Variants in SETD7 observed in about 807,000 individuals in gnomAD.
SETD7 encodes the protein SET domain containing 7, histone lysine methyltransferase.
Under a neutral mutation model 41.8 loss-of-function variants are expected in SETD7, and 16 were observed. That is an observed-to-expected ratio of 0.38 (90% CI 0.26 to 0.58). The LOEUF (loss-of-function observed/expected upper bound fraction) is 0.58. Among genes scored for constraint, SETD7 ranks in the 20% least tolerant of loss-of-function variants. The pLI is 0.64. For synonymous variants in SETD7, 163 were observed against 169.7 expected (o/e 0.96, Z 0.31); for missense variants, 346 against 459.7 (o/e 0.75, Z 2.26).
Position 139,511,545 on chromosome 4 carries a change from A to G in SETD7, c.*118T>C, listed in dbSNP as rs557995284. Reference sequence around the variant, plus strand: ...TATGCGAGAAAGTCGTTGCTAACGCATGGTGAGAGGATGTGACGTCACAGC... The same window carrying G: ...TATGCGAGAAAGTCGTTGCTAACGCGTGGTGAGAGGATGTGACGTCACAGC... On this transcript the variant is annotated 3_prime_UTR_variant, in exon 8 of 8. Coordinates refer to ENST00000274031, the MANE Select transcript of SETD7 (RefSeq NM_030648.4). The G allele has an allele frequency of 4.5e-6, 7 of 1,563,754 alleles. No individual in the cohort carries two copies. Among genetic ancestry groups the G allele is most frequent in the African/African-American group, 1.4e-5 (1 of 72,408 alleles).
downstream of SETD7, among the ~76,000 whole-genome samples, chr4:139,495,523 A>G (rs555085117): frequency 6.6e-6 from 1 of 152,312 alleles, no homozygotes; most frequent in Non-Finnish European, 1.5e-5. Flanking sequence ...AATCACGGCA[A>G]AAGGCAAAGA....
chr4:139,524,821 A>G (rs1237552832), intron 4 of SETD7, among the ~76,000 whole-genome samples: 1 of 151,790 alleles, frequency 6.6e-6, no homozygotes, highest in East Asian at 1.9e-4. Context: ...ACCCTCCCCC[A>G]CTTTTTTTTT....
chr4:139,513,431 A>G (rs1218193734), intron 7 of SETD7, among the ~76,000 whole-genome samples: 1 of 151,954 alleles, frequency 6.6e-6, no homozygotes, highest in East Asian at 1.9e-4. Context: ...AAAAAAAAAA[A>G]AAAGAAAAAA....
intron 1 of SETD7, 43 bp from the exon 2 acceptor site, chr4:139,547,092 G>A (rs745547543): frequency 1.2e-6 from 2 of 1,608,094 alleles, no homozygotes; most frequent in East Asian, 4.5e-5. Flanking sequence ...CATCTTCAGT[G>A]CTCCTCCCAT....
intron 7 of SETD7, among the ~76,000 whole-genome samples, chr4:139,516,854 C>CA: frequency 6.6e-6 from 1 of 152,262 alleles, no homozygotes; most frequent in Middle Eastern, 3.4e-3. Flanking sequence ...CGCCTTAGAA[C>CA]ATTTTAATCA....
At chr4:139,528,316 C>T (rs554942460) in intron 4 of SETD7, among the ~76,000 whole-genome samples, 1 of 152,296 alleles carries the variant, frequency 6.6e-6, no homozygotes, top group Admixed American at 6.5e-5. Context: ...GCTCGAGATG[C>T]CAATATGCAT....
rs1240479990 is a variant in SETD7, at chr4:139,510,991, A to G, written c.*672T>C. 6.5e-6 allele frequency: 1 copy of G among 152,676 alleles called. No individual in the cohort carries two copies. Among genetic ancestry groups the G allele is most frequent in the Non-Finnish European group, 1.5e-5 (1 of 68,060 alleles). The allele number at this position is 152,676 out of a possible 1,614,324, so 9.5% of individuals were successfully genotyped here. A position where few individuals can be genotyped will look rare whatever the true frequency, so the allele number is the denominator to read the frequency against. Reference sequence around the variant, plus strand: ...CAGTACTTTATATTAGGACATAATAATAAAATGATGATATAGAAAGAACCA... The same window carrying G: ...CAGTACTTTATATTAGGACATAATAGTAAAATGATGATATAGAAAGAACCA... On this transcript the variant is annotated 3_prime_UTR_variant, in exon 8 of 8. Transcript: ENST00000274031.
intron 2 of SETD7, among the ~76,000 whole-genome samples, chr4:139,542,027 T>A (rs533047132): frequency 3.9e-5 from 6 of 152,336 alleles, no homozygotes; most frequent in South Asian, 4.1e-4. Flanking sequence ...AAATGTGGTA[T>A]ATACGTACAC....
intron 6 of SETD7, among the ~76,000 whole-genome samples, 177 bp downstream of exon 6, chr4:139,520,100 C>A (rs1254575726): frequency 6.6e-6 from 1 of 151,890 alleles, no homozygotes; most frequent in African/African-American, 2.4e-5. Flanking sequence ...AGCTCTGGAA[C>A]TTTTAAAAAA....
rs114125334 is a variant in SETD7, at chr4:139,547,554, A to T, written c.41-505T>A. Among the ~76,000 whole-genome samples, 958 of 152,342 alleles carry T rather than the reference A, an allele frequency of 6.3e-3. 5 individuals are homozygous for T. The highest frequency in any genetic ancestry group is 0.021 in the African/African-American group (892 of 41,580). On this transcript the variant is annotated intron_variant, in intron 1 of 7. Coordinates refer to ENST00000274031, the MANE Select transcript of SETD7 (RefSeq NM_030648.4). Reference sequence around the variant, plus strand: ...CATTAAGTATGCAATATGATTTTATACATCATTCTATAATATGATGTGGAG... The same window carrying T: ...CATTAAGTATGCAATATGATTTTATTCATCATTCTATAATATGATGTGGAG...
rs1053628976 is a variant in SETD7, at chr4:139,508,616, G to T, written c.*3047C>A. The T allele has an allele frequency of 6.6e-6, 1 of 152,090 alleles. No individual in the cohort carries two copies. The highest frequency in any genetic ancestry group is 2.1e-4 in the South Asian group (1 of 4,818). The allele number at this position is 152,090 out of a possible 1,614,324, so 9.4% of individuals were successfully genotyped here. Reference sequence around the variant, plus strand: ...TGAATCTCCTTGAGATTACAGTGTCGCACACACACATAGGCTCCCGCTGTT... The same window carrying T: ...TGAATCTCCTTGAGATTACAGTGTCTCACACACACATAGGCTCCCGCTGTT... On this transcript the variant is annotated 3_prime_UTR_variant, in exon 8 of 8. Coordinates refer to ENST00000274031, the MANE Select transcript of SETD7 (RefSeq NM_030648.4).
At chr4:139,512,663 G>T (rs1428606181) in intron 7 of SETD7, among the ~76,000 whole-genome samples, 1 of 151,652 alleles carries the variant, frequency 6.6e-6, no homozygotes, top group African/African-American at 2.4e-5. Context: ...ATGGATACAT[G>T]TAAGGCATGG....
rs956384295 is a variant in SETD7 at position 139,555,906 on chromosome 4, C to A, written c.40+192G>T. On this transcript the variant is annotated intron_variant, in intron 1 of 7. Transcript: ENST00000274031. The surrounding 1 kb of genome is among the most constrained non-coding windows in gnomAD (Gnocchi z 4.0). ...CGGAGCCCCATTCTCGGCCTGCGCC[C>A]CGCCGCGCAGTGCGCGCTCCCGGCG... is the stretch of plus-strand genomic sequence containing the variant. Among the ~76,000 whole-genome samples, 13 of 152,086 alleles carry A rather than the reference C, an allele frequency of 8.5e-5. No homozygotes were observed. The South Asian group carries it at 2.7e-3, about 31-fold the overall frequency.
At chr4:139,544,697 A>C (rs1193996030) in intron 2 of SETD7, among the ~76,000 whole-genome samples, 3 of 152,126 alleles carry the variant, frequency 2.0e-5, no homozygotes, top group African/African-American at 7.2e-5. Flanking sequence ...CAGCCCCATA[A>C]AGCAAGCAGG....
intron 7 of SETD7, among the ~76,000 whole-genome samples, chr4:139,515,804 G>C (rs1426802431): frequency 1.3e-5 from 2 of 152,172 alleles, no homozygotes; most frequent in African/African-American, 4.8e-5. Context: ...CTGGCAATTT[G>C]CCTACAGATT....
chr4:139,528,251 C>T (rs557585659), intron 4 of SETD7, among the ~76,000 whole-genome samples: 10 of 152,168 alleles, frequency 6.6e-5, no homozygotes, highest in African/African-American at 2.4e-4. Context: ...ATACTTTTTT[C>T]AAATATGGAT....
chr4:139,541,414 C>G (rs1727774820), intron 2 of SETD7, among the ~76,000 whole-genome samples: 1 of 152,134 alleles, frequency 6.6e-6, no homozygotes. Flanking sequence ...TTGAACACTA[C>G]ACGTTTTCAT....
chr4:139,520,936 G>C (rs1214286099), intron 5 of SETD7, among the ~76,000 whole-genome samples: 1 of 152,238 alleles, frequency 6.6e-6, no homozygotes, highest in Non-Finnish European at 1.5e-5. Context: ...TGAGGGTCCA[G>C]TCTGGCTGCT....
At chr4:139,498,922 C>A (rs940421507) in intron 7 of SETD7, among the ~76,000 whole-genome samples, 1 of 152,202 alleles carries the variant, frequency 6.6e-6, no homozygotes, top group Non-Finnish European at 1.5e-5. Context: ...ACCAGCCTGG[C>A]CAACATGGTG....
Sources: gnomAD v4.1 joint callset for allele counts (sites outside exome capture counted in the v4.1 genomes callset) on GRCh38, gnomAD v4.1.1 for gene constraint, Gnocchi (gnomAD v3.1) non-coding constraint, MANE v1.5 for transcripts, NCBI Gene and HGNC (gene_info 2026-07-23, HGNC 2026-07-21) for gene names.